PEBP4: variants seen among roughly 807,000 people sequenced by gnomAD.
The protein encoded by PEBP4 is phosphatidylethanolamine-binding protein 4.
A neutral mutation model predicts 23.9 loss-of-function variants in PEBP4; 22 were observed. The observed-to-expected ratio is 0.92, with a 90% confidence interval of 0.66 to 1.31. The LOEUF (loss-of-function observed/expected upper bound fraction) is 1.31. PEBP4 is among the 40% of genes most tolerant of loss of function. PEBP4 has a pLI of 0.00. For synonymous variants in PEBP4, 112 were observed against 99.3 expected, an observed-to-expected ratio of 1.13 and a Z score of -0.76; for missense variants, 324 against 281.7, an observed-to-expected ratio of 1.15 and a Z score of -1.07.
chr8:22,870,938 T>C (rs915837803), intron 3 of PEBP4, among the ~76,000 whole-genome samples: 1 of 152,058 alleles, frequency 6.6e-6, no homozygotes, highest in African/African-American at 2.4e-5. Flanking sequence ...AAGATGGCCA[T>C]TGATGAAGGT....
intron 3 of PEBP4, among the ~76,000 whole-genome samples, chr8:22,913,911 T>C (rs555938501): frequency 7.3e-5 from 11 of 151,618 alleles, no homozygotes; most frequent in African/African-American, 2.7e-4. Flanking sequence ...CTTGAACTCC[T>C]GGGTTCAAGT....
chr8:22,833,527 T>A (rs190397924), intron 3 of PEBP4, among the ~76,000 whole-genome samples: 1 of 152,308 alleles, frequency 6.6e-6, no homozygotes, highest in African/African-American at 2.4e-5. Context: ...AGATGGGGTT[T>A]CACCATGTTG....
At chr8:22,918,228 T>C (rs1443320900) in intron 3 of PEBP4, among the ~76,000 whole-genome samples, 2 of 152,254 alleles carry the variant, frequency 1.3e-5, no homozygotes, top group Non-Finnish European at 2.9e-5. Context: ...TACATTTCCA[T>C]AAACTATAGT....
chr8:22,924,068 T>C (rs748042520), intron 2 of PEBP4, among the ~76,000 whole-genome samples: 6 of 152,132 alleles, frequency 3.9e-5, no homozygotes, highest in Non-Finnish European at 7.4e-5. Flanking sequence ...GTCACCCCAC[T>C]TGAAAAACAG....
At chr8:22,749,024 T>A (rs1805189586) in intron 4 of PEBP4, among the ~76,000 whole-genome samples, 1 of 151,870 alleles carries the variant, frequency 6.6e-6, no homozygotes, top group Admixed American at 6.6e-5. Flanking sequence ...ACTGGGGAGA[T>A]GACAATCTGG....
At chr8:22,755,326 CTTTTTTTTTTT>C (rs547269095) in intron 4 of PEBP4, among the ~76,000 whole-genome samples, 46 of 114,602 alleles carry the variant, frequency 4.0e-4, no homozygotes, top group Middle Eastern at 5.0e-3. Context: ...TTCTCTCCCT[CTTTTTTTTTTT>C]TTTTTTTTTT....
chr8:22,722,291 A>T (rs1804534783), intron 6 of PEBP4, among the ~76,000 whole-genome samples: 1 of 151,976 alleles, frequency 6.6e-6, no homozygotes, highest in Non-Finnish European at 1.5e-5. Context: ...CCTCCTCCCC[A>T]TGGCCTCAGG....
At chr8:22,877,417 G>A (rs1178621436) in intron 3 of PEBP4, among the ~76,000 whole-genome samples, 1 of 152,154 alleles carries the variant, frequency 6.6e-6, no homozygotes, top group Non-Finnish European at 1.5e-5. Context: ...AAAATGTCAG[G>A]TTATTTGCCC....
intron 3 of PEBP4, among the ~76,000 whole-genome samples, chr8:22,861,264 C>A (rs1217943083): frequency 6.6e-6 from 1 of 152,172 alleles, no homozygotes; most frequent in East Asian, 1.9e-4. Context: ...AGTGGAGGTT[C>A]AATTTGCCCT....
In PEBP4 at chr8:22,836,717, C is replaced by T. The variant is rs112134837; in HGVS notation, c.259-18982G>A. Among the ~76,000 whole-genome samples the T allele has an allele frequency of 7.9e-3, 1,206 of 152,294 alleles. 17 individuals carry two copies. Among genetic ancestry groups the T allele is most frequent in the African/African-American group, 0.027 (1,136 of 41,556 alleles). On this transcript the variant is annotated intron_variant, in intron 3 of 6. Coordinates refer to ENST00000256404, the MANE Select transcript of PEBP4 (RefSeq NM_144962.3). ...AAAGTCTGTGCTGTGCTGCGTACCCCGGGTCACTGCAACTTTTTTGTCTTA... is the reference window on the plus strand; with the variant it reads ...AAAGTCTGTGCTGTGCTGCGTACCCTGGGTCACTGCAACTTTTTTGTCTTA...
chr8:22,934,416 T>C (rs1284038827), intron 1 of PEBP4, among the ~76,000 whole-genome samples: 1 of 152,062 alleles, frequency 6.6e-6, no homozygotes, highest in Non-Finnish European at 1.5e-5. Flanking sequence ...GTAATTCCCA[T>C]GGTAACCACA....
At chr8:22,892,536 AG>A (rs2128775004) in intron 3 of PEBP4, among the ~76,000 whole-genome samples, 1 of 152,362 alleles carries the variant, frequency 6.6e-6, no homozygotes, top group East Asian at 1.9e-4. Flanking sequence ...GCTTAAAAAA[AG>A]CTAGAGTATG....
chr8:22,802,911 G>T (rs1413043037), intron 4 of PEBP4, among the ~76,000 whole-genome samples: 3 of 152,182 alleles, frequency 2.0e-5, no homozygotes, highest in Non-Finnish European at 4.4e-5. Flanking sequence ...CTGTTTGTAG[G>T]TGGGGTAATA....
At chr8:22,777,020 G>C (rs1805828105) in intron 4 of PEBP4, among the ~76,000 whole-genome samples, 2 of 151,966 alleles carry the variant, frequency 1.3e-5, no homozygotes, top group South Asian at 4.1e-4. Context: ...GGTTGGGGCA[G>C]AGAAACAGCA....
intron 5 of PEBP4, among the ~76,000 whole-genome samples, chr8:22,725,999 A>ATG (rs10680983): frequency 0.22 from 32,123 of 146,150 alleles, 3,648 homozygotes; most frequent in South Asian, 0.32. Flanking sequence ...GATCAGATAT[A>ATG]TGTGTGTGTG....
intron 3 of PEBP4, among the ~76,000 whole-genome samples, chr8:22,835,004 C>T (rs773402066): frequency 9.9e-5 from 15 of 152,206 alleles, no homozygotes; most frequent in African/African-American, 1.4e-4. Flanking sequence ...TTTCTATTAA[C>T]GCCTAGGTCA....
At chr8:22,920,048 G>A (rs1563261673) in intron 3 of PEBP4, 136 bp downstream of exon 3, 1 of 1,057,890 alleles carries the variant, frequency 9.5e-7, no homozygotes, top group Middle Eastern at 3.4e-4. Flanking sequence ...CAACTTTATG[G>A]CAACAGCCAT....
chr8:22,897,710 C>T (rs1808617420), intron 3 of PEBP4: 1 of 152,172 alleles, frequency 6.6e-6, no homozygotes, highest in Non-Finnish European at 1.5e-5. Context: ...CCTGGATTCA[C>T]ACTCACCATG....
At chr8:22,748,645 G>GC (rs1170240759) in intron 4 of PEBP4, among the ~76,000 whole-genome samples, 1 of 151,874 alleles carries the variant, frequency 6.6e-6, no homozygotes, top group African/African-American at 2.4e-5. Flanking sequence ...AGTTCACCCG[G>GC]CTGTCAGCAG....
Sources: gnomAD v4.1 joint callset for allele counts (sites outside exome capture counted in the v4.1 genomes callset) on GRCh38, gnomAD v4.1.1 for gene constraint, MANE v1.5 for transcripts, NCBI Gene and HGNC (gene_info 2026-07-23, HGNC 2026-07-21) for gene names.